Variants in KCNIP1 observed in about 807,000 individuals in gnomAD.
KCNIP1 encodes A-type potassium channel modulatory protein KCNIP1.
Under a neutral mutation model 33.0 loss-of-function variants are expected in KCNIP1, and 18 were observed. That is an observed-to-expected ratio of 0.55 (90% confidence interval 0.38 to 0.81). The LOEUF is 0.81. KCNIP1 is among the 30% of genes least tolerant of loss of function. The pLI, the probability that KCNIP1 is intolerant of heterozygous loss-of-function variation, is 0.00. For missense variants in KCNIP1, 238 were observed against 271.6 expected (o/e 0.88, Z 0.87); for synonymous variants, 93 against 98.3 (o/e 0.95, Z 0.32).
chr5:170,509,229 G>T (rs977719466), intron 1 of KCNIP1, among the ~76,000 whole-genome samples: 1 of 152,194 alleles, frequency 6.6e-6, no homozygotes, highest in Non-Finnish European at 1.5e-5. Flanking sequence ...GCAGGAAAGT[G>T]CTGAGAACAG....
intron 1 of KCNIP1, among the ~76,000 whole-genome samples, chr5:170,459,691 G>C (rs1017506219): frequency 4.6e-5 from 7 of 152,096 alleles, no homozygotes; most frequent in African/African-American, 1.7e-4. Context: ...CAGCAAAGGG[G>C]ATGCTAAGAG....
intron 1 of KCNIP1, among the ~76,000 whole-genome samples, chr5:170,646,398 C>T (rs538372683): frequency 3.3e-5 from 5 of 152,196 alleles, no homozygotes; most frequent in African/African-American, 1.2e-4. Flanking sequence ...AAGCCATGAC[C>T]AAGTGAGATT....
chr5:170,648,846 C>T (rs999348048), intron 1 of KCNIP1, among the ~76,000 whole-genome samples: 5 of 152,106 alleles, frequency 3.3e-5, no homozygotes, highest in East Asian at 1.9e-4. Flanking sequence ...GGAAGCTGTG[C>T]ATGTGCGGGA....
chr5:170,517,478 A>T (rs1269645510), intron 1 of KCNIP1, among the ~76,000 whole-genome samples: 2 of 152,166 alleles, frequency 1.3e-5, no homozygotes, highest in Admixed American at 1.3e-4. Flanking sequence ...TAGGGGCTTC[A>T]TGGCAATAAT....
intron 1 of KCNIP1, among the ~76,000 whole-genome samples, chr5:170,594,455 A>G (rs1211894980): frequency 6.6e-6 from 1 of 152,198 alleles, no homozygotes; most frequent in East Asian, 1.9e-4. Flanking sequence ...CCAGGGTTCC[A>G]AGACAACTAC....
chr5:170,491,642 G>A (rs1352340480), intron 1 of KCNIP1, among the ~76,000 whole-genome samples: 1 of 152,198 alleles, frequency 6.6e-6, no homozygotes, highest in East Asian at 1.9e-4. Flanking sequence ...TTAGTAAAGG[G>A]GAAGAAGGAA....
At chr5:170,689,585 GAGAAGGCTTCCAA>G (rs1178309741) in intron 1 of KCNIP1, among the ~76,000 whole-genome samples, 3 of 152,318 alleles carry the variant, frequency 2.0e-5, no homozygotes, top group Non-Finnish European at 2.9e-5. Context: ...AAAGGAACCA[GAGAAGGCTTCCAA>G]AGAAGGCAGC....
At chr5:170,664,178 C>T (rs1440528297) in intron 1 of KCNIP1, among the ~76,000 whole-genome samples, 2 of 152,260 alleles carry the variant, frequency 1.3e-5, no homozygotes, top group East Asian at 3.9e-4. Context: ...AACCAATGGG[C>T]TCCTCTTCCT....
At chr5:170,629,132 G>T (rs768976337) in intron 1 of KCNIP1, among the ~76,000 whole-genome samples, 4 of 152,122 alleles carry the variant, frequency 2.6e-5, no homozygotes, top group Non-Finnish European at 4.4e-5. Context: ...CCTGACATAC[G>T]CATCGATCTC....
intron 1 of KCNIP1, among the ~76,000 whole-genome samples, chr5:170,362,699 G>C (rs1363653120): frequency 6.6e-6 from 1 of 152,232 alleles, no homozygotes; most frequent in Non-Finnish European, 1.5e-5. Context: ...GCAGAGAATT[G>C]GGCAGGAATC....
intron 1 of KCNIP1, among the ~76,000 whole-genome samples, chr5:170,658,059 G>A (rs11956616): frequency 0.1 from 15,436 of 152,126 alleles, 846 homozygotes; most frequent in African/African-American, 0.12. Flanking sequence ...TAATGGAAAG[G>A]CATTGCAGGC....
At chr5:170,632,346 T>C (rs369762715) in intron 1 of KCNIP1, among the ~76,000 whole-genome samples, 1 of 152,334 alleles carries the variant, frequency 6.6e-6, no homozygotes, top group East Asian at 1.9e-4. Context: ...CCTCAAATCT[T>C]GTATCTTTTT....
intron 1 of KCNIP1, among the ~76,000 whole-genome samples, chr5:170,698,890 A>G (rs1029820139): frequency 2.6e-5 from 4 of 152,158 alleles, no homozygotes; most frequent in Admixed American, 2.6e-4. Context: ...TGAAATTGAT[A>G]AACACGACAT....
intron 2 of KCNIP1, among the ~76,000 whole-genome samples, chr5:170,719,158 C>A (rs1231314426): frequency 1.3e-5 from 2 of 152,142 alleles, no homozygotes; most frequent in Non-Finnish European, 2.9e-5. Flanking sequence ...AGGGTCAAGC[C>A]TTAGCCCTTA....
At chr5:170,353,940 C>T (rs1561580472) in exon 1 of KCNIP1, 1 of 1,614,108 alleles carries the variant, frequency 6.2e-7, no homozygotes, top group Non-Finnish European at 8.5e-7. Context: ...CATCTTTAAG[C>T]TCATCACTGG....
intron 1 of KCNIP1, among the ~76,000 whole-genome samples, chr5:170,410,726 A>T (rs965589362): frequency 1.3e-5 from 2 of 152,200 alleles, no homozygotes; most frequent in African/African-American, 4.8e-5. Context: ...ATTAAATTAT[A>T]ATGGGAAAAT....
chr5:170,632,652 A>C (rs1168407349), intron 1 of KCNIP1, among the ~76,000 whole-genome samples: 1 of 152,232 alleles, frequency 6.6e-6, no homozygotes, highest in African/African-American at 2.4e-5. Flanking sequence ...CCCTTCCTCG[A>C]TTCCTAAAAT....
Position 170,544,128 on chromosome 5 carries a change from A to G in KCNIP1, c.61+39495A>G, listed in dbSNP as rs375561618. Among the ~76,000 whole-genome samples the G allele has an allele frequency of 2.3e-3, 347 of 152,294 alleles. 1 individual carries two copies. Among genetic ancestry groups the G allele is most frequent in the African/African-American group, 8.1e-3 (335 of 41,548 alleles). Reference sequence around the variant, plus strand: ...GTTGTCAAATTCAAGATAACCGACAAGAGACCGGGCGTGGTGGCTCACACC... The same window carrying G: ...GTTGTCAAATTCAAGATAACCGACAGGAGACCGGGCGTGGTGGCTCACACC... On this transcript the variant is annotated intron_variant, in intron 1 of 7. Coordinates refer to ENST00000328939, the MANE Select transcript of KCNIP1 (RefSeq NM_014592.4).
chr5:170,696,308 T>G (rs1372546300), intron 1 of KCNIP1, among the ~76,000 whole-genome samples: 1 of 152,222 alleles, frequency 6.6e-6, no homozygotes, highest in African/African-American at 2.4e-5. Context: ...CCTGACTTAT[T>G]TGGGACCATG....
Sources: allele counts gnomAD v4.1 joint callset (sites outside exome capture counted in the v4.1 genomes callset), GRCh38; gene constraint gnomAD v4.1.1; transcripts MANE v1.5; gene names NCBI Gene and HGNC (gene_info 2026-07-23, HGNC 2026-07-21).